CFAP45: variants seen among roughly 807,000 people sequenced by gnomAD.
CFAP45 encodes cilia- and flagella-associated protein 45.
Under a neutral mutation model 75.6 loss-of-function variants are expected in CFAP45, and 43 were observed. The ratio of observed to expected loss-of-function variants is 0.57; its 90% CI spans 0.45 to 0.73. The LOEUF (loss-of-function observed/expected upper bound fraction) is 0.73, where lower values mean the gene tolerates loss of function less well. CFAP45 is among the 30% of genes least tolerant of loss of function. The pLI is 0.00. For missense variants in CFAP45, 689 were observed against 701.5 expected (o/e 0.98, Z 0.20); for synonymous variants, 223 against 244.6 (o/e 0.91, Z 0.82).
chr1:159,897,473 C>A (rs1372925409), intron 1 of CFAP45, among the ~76,000 whole-genome samples: 1 of 152,082 alleles, frequency 6.6e-6, no homozygotes, highest in Admixed American at 6.6e-5. Context: ...GTCCCAGCTA[C>A]TCAGGAGGCT....
intron 1 of CFAP45, among the ~76,000 whole-genome samples, chr1:159,895,173 G>A (rs1241546145): frequency 2.0e-5 from 3 of 152,110 alleles, no homozygotes; most frequent in Non-Finnish European, 2.9e-5. Context: ...AAGAGTAGAC[G>A]TCTATCTCTA....
intron 1 of CFAP45, chr1:159,898,210 T>G: frequency 1.0e-6 from 1 of 985,400 alleles, no homozygotes; most frequent in Non-Finnish European, 1.2e-6. Context: ...CCCCTTGCCT[T>G]TTACTCTGAG....
At position 159,876,719 on chromosome 1, in the gene CFAP45, C is replaced by G. The variant is rs748460482; in HGVS notation, c.1189G>C (p.Val397Leu). 6.2e-7 allele frequency: 1 copy of G among 1,614,204 alleles called. No homozygotes were observed. Among genetic ancestry groups the G allele is most frequent in the Non-Finnish European group, 8.5e-7 (1 of 1,180,042 alleles). The change falls in exon 10 of 12, where the codon GTT becomes CTT. Residue 397 changes from valine (V) to leucine (L), a missense_variant. Coordinates refer to ENST00000368099, the MANE Select transcript of CFAP45 (RefSeq NM_012337.3). ...TTTCTGCGCCACTCTCTGTCTGCAA[C>G]CTCCTGGTTGCGCTTGGCCCGCAAG... ...DALRAKRNQEVADREWRRKEK... is the reference protein window; with the variant it reads ...DALRAKRNQELADREWRRKEK...
chr1:159,893,068 C>G, intron 2 of CFAP45, 112 bp downstream of exon 2: 1 of 1,248,072 alleles, frequency 8.0e-7, no homozygotes, highest in Non-Finnish European at 1.1e-6. Context: ...TGTCTTCAGT[C>G]TGAGAGTTAC....
chr1:159,876,604 A>C lies in CFAP45; in HGVS notation c.1304T>G (p.Leu435Arg). The C allele has an allele frequency of 6.2e-7, 1 of 1,614,226 alleles. No homozygotes were observed. The highest frequency in any genetic ancestry group is 8.5e-7 in the Non-Finnish European group (1 of 1,180,030). Reference sequence around the variant, plus strand: ...CCGGTCCCGTTGCACCTGAACAGCCAGAGCGTGCTCCTTGAAAGCCACCTG... The same window carrying C: ...CCGGTCCCGTTGCACCTGAACAGCCCGAGCGTGCTCCTTGAAAGCCACCTG... ...LEQVAFKEHALAVQVQRDRDE... is the reference protein window; with the variant it reads ...LEQVAFKEHARAVQVQRDRDE... Residue 435 changes from leucine to arginine, a missense_variant, in exon 10 of 12, where the codon CTG (leucine) becomes CGG (arginine). Coordinates refer to ENST00000368099, the MANE Select transcript of CFAP45 (RefSeq NM_012337.3).
intron 10 of CFAP45, chr1:159,876,155 A>T (rs1487746747): frequency 4.4e-6 from 1 of 225,876 alleles, no homozygotes; most frequent in Non-Finnish European, 8.9e-6. Context: ...TGCTCCAGTG[A>T]CTCACAACCC....
At chr1:159,883,823 TC>T (rs987955966) in intron 7 of CFAP45, among the ~76,000 whole-genome samples, 2 of 152,124 alleles carry the variant, frequency 1.3e-5, no homozygotes, top group Admixed American at 6.5e-5. Context: ...GCCTGCCATG[TC>T]CCTCACTGTG....
intron 2 of CFAP45, among the ~76,000 whole-genome samples, chr1:159,890,852 G>A (rs1197949200): frequency 1.4e-5 from 2 of 141,184 alleles, no homozygotes; most frequent in Admixed American, 8.0e-5. Flanking sequence ...GCCACCTCCC[G>A]GGTTCAAGCA....
chr1:159,885,518 C>T (rs1045627646), intron 6 of CFAP45, among the ~76,000 whole-genome samples: 2 of 152,170 alleles, frequency 1.3e-5, no homozygotes, highest in African/African-American at 2.4e-5. Flanking sequence ...GTATGGTTGG[C>T]GTTCTAAATC....
chr1:159,898,212 T>A (rs977909803), intron 1 of CFAP45: 2 of 985,338 alleles, frequency 2.0e-6, no homozygotes, highest in African/African-American at 3.5e-5. Flanking sequence ...CCTTGCCTTT[T>A]ACTCTGAGTG....
rs1269347207 is a variant in CFAP45 at position 159,876,822 on chromosome 1, T to C, written c.1159-73A>G. ...TACAGACCAAGTGGCTTTAAGAAGA[T>C]ACCTACTTACAGACTCTGACAGTCT... On this transcript the variant is annotated intron_variant, in intron 9 of 11. Transcript: ENST00000368099. The C allele has an allele frequency of 2.8e-6, 4 of 1,407,180 alleles. No individual in the cohort carries two copies. In the African/African-American group the frequency reaches 5.6e-5, roughly 20 times the overall value. The allele number at this position is 1,407,180 out of a possible 1,614,324, so 87.2% of individuals were successfully genotyped here. A position where few individuals can be genotyped will look rare whatever the true frequency, so the allele number is the denominator to read the frequency against.
At chr1:159,890,038 T>C (rs1050173718) in intron 3 of CFAP45, among the ~76,000 whole-genome samples, 2 of 152,288 alleles carry the variant, frequency 1.3e-5, no homozygotes, top group Middle Eastern at 3.4e-3. Context: ...TCCTATGGCC[T>C]TAGAGTCTGG....
intron 10 of CFAP45, chr1:159,873,391 T>G: frequency 1.7e-6 from 1 of 585,880 alleles, no homozygotes; most frequent in East Asian, 2.8e-5. Context: ...CAGGGTCGCA[T>G]GACTGTATGT....
intron 2 of CFAP45, among the ~76,000 whole-genome samples, chr1:159,892,805 T>C (rs549462277): frequency 1.3e-5 from 2 of 152,342 alleles, no homozygotes; most frequent in South Asian, 4.1e-4. Flanking sequence ...GATGCTATTA[T>C]CCTTGGATGG....
chr1:159,888,151 G>A, intron 4 of CFAP45, 140 bp from the exon 5 acceptor site: 1 of 1,099,964 alleles, frequency 9.1e-7, no homozygotes, highest in Non-Finnish European at 1.3e-6. Context: ...TCCACAGCCT[G>A]GCTTCATTCT....
chr1:159,882,090 G>T lies in CFAP45; in HGVS notation c.898-1390C>A, dbSNP rs183915775. On this transcript the variant is annotated intron_variant, in intron 7 of 11. Transcript: ENST00000368099. ...GTTCAAGGCTTCTTCCTTCAGGAAG[G>T]CTTCTGAACCAGAGCGGTATGGCAA... Among the ~76,000 whole-genome samples, 303 of 152,274 alleles carry T rather than the reference G, an allele frequency of 2.0e-3. 2 individuals are homozygous for T. Among genetic ancestry groups the T allele is most frequent in the South Asian group, 2.9e-3 (14 of 4,830 alleles).
rs756953474 is a variant in CFAP45 at position 159,873,008 on chromosome 1, C to T, written c.1513G>A (p.Glu505Lys). Residue 505 changes from glutamate (E) to lysine (K), a missense_variant, in exon 11 of 12, where the codon GAG becomes AAG. Coordinates refer to ENST00000368099, the MANE Select transcript of CFAP45 (RefSeq NM_012337.3). ...ATFEEGRRLK[E>K]EAQKRRERID... Reference sequence around the variant, plus strand: ...CGCTCACGGCGTTTCTGGGCCTCCTCTTTGAGGCGCCGGCCCTCCTCAAAG... The same window carrying T: ...CGCTCACGGCGTTTCTGGGCCTCCTTTTTGAGGCGCCGGCCCTCCTCAAAG... The T allele has an allele frequency of 1.7e-5, 28 of 1,614,142 alleles. No homozygotes were observed. The Admixed American group carries it at 4.3e-4, about 25-fold the overall frequency.
chr1:159,876,054 A>G (rs1220505117), intron 10 of CFAP45, among the ~76,000 whole-genome samples: 1 of 152,214 alleles, frequency 6.6e-6, no homozygotes, highest in Non-Finnish European at 1.5e-5. Flanking sequence ...GTTAATTGCT[A>G]ATGTCCTCCA....
chr1:159,886,392 G>A, intron 6 of CFAP45, 119 bp downstream of exon 6: 1 of 901,816 alleles, frequency 1.1e-6, no homozygotes, highest in South Asian at 1.6e-5. Flanking sequence ...AAAGTTTTGA[G>A]ATAATAAGTA....
Sources: gnomAD v4.1 joint callset for allele counts (sites outside exome capture counted in the v4.1 genomes callset) on GRCh38, gnomAD v4.1.1 for gene constraint, MANE v1.5 for transcripts, NCBI Gene and HGNC (gene_info 2026-07-23, HGNC 2026-07-21) for gene names.